Variants in NRP1 observed in about 807,000 individuals in gnomAD.
NRP1 encodes neuropilin 1, also known as neuropilin-1.
NRP1 carries 35 observed loss-of-function variants against 106.7 expected under a neutral mutation model. That is an observed-to-expected ratio of 0.33 (90% confidence interval 0.25 to 0.43). The LOEUF (loss-of-function observed/expected upper bound fraction) is 0.43. NRP1 is among the 20% of genes least tolerant of loss of function. NRP1 has a pLI of 1.00. For missense variants in NRP1, 1,024 were observed against 1,170.4 expected (o/e 0.87, Z 1.83); for synonymous variants, 437 against 417.9 (o/e 1.05, Z -0.56).
intron 2 of NRP1, among the ~76,000 whole-genome samples, chr10:33,286,667 A>C (rs1472945929): frequency 6.6e-6 from 1 of 152,176 alleles, no homozygotes. Flanking sequence ...TTCTGATGCC[A>C]CAGAACAAAC....
intron 2 of NRP1, among the ~76,000 whole-genome samples, chr10:33,276,288 T>A (rs932022568): frequency 6.6e-6 from 1 of 152,172 alleles, no homozygotes; most frequent in African/African-American, 2.4e-5. Context: ...AACAACACTA[T>A]CTTGGAAGTG....
intron 12 of NRP1, among the ~76,000 whole-genome samples, chr10:33,197,406 G>A (rs544334675): frequency 2.4e-4 from 37 of 152,298 alleles, no homozygotes; most frequent in Non-Finnish European, 4.3e-4. Flanking sequence ...ATGTTACTCC[G>A]TTCCTTCAGT....
intron 1 of NRP1, 78 bp downstream of exon 1, chr10:33,334,232 C>T: frequency 7.3e-7 from 1 of 1,360,974 alleles, no homozygotes; most frequent in Non-Finnish European, 1.0e-6. Flanking sequence ...CCCGGGAAGC[C>T]CCGCCTGAGC....
chr10:33,227,440 G>A (rs61843161), intron 6 of NRP1, among the ~76,000 whole-genome samples: 3,350 of 131,424 alleles, frequency 0.025, 41 homozygotes, highest in Non-Finnish European at 0.039. Flanking sequence ...TAAAGAGGAA[G>A]AGGGTAAAGA....
chr10:33,204,272 G>A (rs1837585236), intron 10 of NRP1, among the ~76,000 whole-genome samples: 1 of 152,112 alleles, frequency 6.6e-6, no homozygotes, highest in Admixed American at 6.5e-5. Flanking sequence ...ACCAAGCAGA[G>A]TTACGGCACA....
intron 2 of NRP1, 40 bp from the exon 3 acceptor site, chr10:33,270,896 A>T: frequency 6.6e-7 from 1 of 1,508,728 alleles, no homozygotes; most frequent in Non-Finnish European, 9.0e-7. Flanking sequence ...GGTTGGTGAG[A>T]AATGCCCTTT....
intron 2 of NRP1, among the ~76,000 whole-genome samples, chr10:33,295,901 A>G (rs1340956205): frequency 1.3e-5 from 2 of 152,244 alleles, no homozygotes; most frequent in Non-Finnish European, 2.9e-5. Flanking sequence ...TAACAAGCAA[A>G]GCCTAAAGTG....
In NRP1 at chr10:33,213,598, G is replaced by T; in HGVS notation, c.1402C>A (p.Arg468Ser). Residue 468 changes from arginine to serine, a missense_variant, in exon 9 of 17, where the codon CGC becomes AGC. This residue lies in a region of NRP1 where 562 missense variants were observed against 620.3 expected (regional missense o/e 0.91). Coordinates refer to ENST00000374867, the MANE Select transcript of NRP1 (RefSeq NM_003873.7). Reference protein sequence around the residue: ...MPENIRLVTSRSGWALPPAPH... With the variant: ...MPENIRLVTSSSGWALPPAPH... ...GCGGGTGGAAGTGCCCAGCCAGAGCGACTGGTTACCAGGCGGATGTTTTCA... is the reference window on the plus strand; with the variant it reads ...GCGGGTGGAAGTGCCCAGCCAGAGCTACTGGTTACCAGGCGGATGTTTTCA... The T allele has an allele frequency of 6.2e-7, 1 of 1,614,108 alleles. No individual in the cohort carries two copies.
In NRP1 at chr10:33,229,496, C is replaced by T. The variant is rs376665485; in HGVS notation, c.982-3207G>A. On this transcript the variant is annotated intron_variant, in intron 6 of 16. Coordinates refer to ENST00000374867, the MANE Select transcript of NRP1 (RefSeq NM_003873.7). Reference sequence around the variant, plus strand: ...TGAAGCAGAGCTATTTAAATAAACTCTTCCTGTCAAACTTACAGATGGCTC... The same window carrying T: ...TGAAGCAGAGCTATTTAAATAAACTTTTCCTGTCAAACTTACAGATGGCTC... Among the ~76,000 whole-genome samples, 19 of 152,224 alleles carry T rather than the reference C, an allele frequency of 1.2e-4. No individual in the cohort carries two copies. In the East Asian group the frequency reaches 1.9e-3, roughly 15 times the overall value.
chr10:33,228,159 T>C (rs1441990286), intron 6 of NRP1, among the ~76,000 whole-genome samples: 3 of 151,992 alleles, frequency 2.0e-5, no homozygotes, highest in Non-Finnish European at 4.4e-5. Context: ...AGTCCACAAA[T>C]ATATGGCAAA....
chr10:33,225,538 A>G (rs1032300759), intron 7 of NRP1, among the ~76,000 whole-genome samples: 4 of 152,210 alleles, frequency 2.6e-5, no homozygotes, highest in African/African-American at 9.6e-5. Flanking sequence ...GTTCCAAATG[A>G]GCTAGGGCAG....
chr10:33,333,625 T>C (rs1329244509), intron 1 of NRP1, among the ~76,000 whole-genome samples: 1 of 152,220 alleles, frequency 6.6e-6, no homozygotes, highest in African/African-American at 2.4e-5. Context: ...AAACACATTA[T>C]TTAGGTTACA....
chr10:33,296,637 G>A lies in NRP1; in HGVS notation c.249-25781C>T, dbSNP rs957298016. 4.6e-5 allele frequency among the ~76,000 whole-genome samples: 7 copies of A among 152,290 alleles called. 1 individual carries two copies. In the South Asian group the frequency reaches 1.5e-3, roughly 32 times the overall value. ...TAATTTGGCAGCTTTGTGTTCCAAG[G>A]CTTCACCCCTAGATTGGTTTAGGCA... On this transcript the variant is annotated intron_variant, in intron 2 of 16. Transcript: ENST00000374867.
intron 6 of NRP1, among the ~76,000 whole-genome samples, chr10:33,236,581 T>C (rs1172793702): frequency 6.6e-6 from 1 of 152,188 alleles, no homozygotes; most frequent in Non-Finnish European, 1.5e-5. Context: ...CTGATCTGGT[T>C]GACTGCAAGG....
chr10:33,227,515 C>G (rs1588776916), intron 6 of NRP1, among the ~76,000 whole-genome samples: 1 of 152,284 alleles, frequency 6.6e-6, no homozygotes, highest in East Asian at 1.9e-4. Context: ...CCTTGCAGCT[C>G]AGTTTGAGAG....
intron 6 of NRP1, among the ~76,000 whole-genome samples, chr10:33,249,131 G>C (rs149238511): frequency 8.6e-6 from 1 of 115,668 alleles, no homozygotes; most frequent in Non-Finnish European, 1.7e-5. Context: ...TTTAATCAGA[G>C]AAAAGTCACA....
At position 33,267,290 on chromosome 10, in the gene NRP1, A is replaced by G. The variant is rs141607577; in HGVS notation, c.430+3385T>C. On this transcript the variant is annotated intron_variant, in intron 3 of 16. Transcript: ENST00000374867. The stretch of plus-strand genomic sequence containing the variant: ...TTACAGCAGTTTGAGAACACAGGAG[A>G]TGAGAATACAACACAGGAGATGAGC... Among the ~76,000 whole-genome samples the G allele has an allele frequency of 7.0e-3, 1,061 of 152,260 alleles. 7 individuals are homozygous for G. Among genetic ancestry groups the G allele is most frequent in the Middle Eastern group, 0.017 (5 of 294 alleles).
chr10:33,203,570 C>T (rs1192477133), intron 10 of NRP1, among the ~76,000 whole-genome samples: 1 of 152,030 alleles, frequency 6.6e-6, no homozygotes, highest in African/African-American at 2.4e-5. Flanking sequence ...AACTGTGAGC[C>T]CTCTCTCCAG....
chr10:33,216,610 T>C (rs1838796334), intron 8 of NRP1, among the ~76,000 whole-genome samples: 1 of 151,758 alleles, frequency 6.6e-6, no homozygotes, highest in African/African-American at 2.4e-5. Context: ...GATGCTACCA[T>C]GATTGGCAAT....
Sources: gnomAD v4.1 joint callset for allele counts (sites outside exome capture counted in the v4.1 genomes callset) on GRCh38, gnomAD v4.1.1 for gene constraint, gnomAD v4.1.1 regional missense constraint, MANE v1.5 for transcripts, NCBI Gene and HGNC (gene_info 2026-07-23, HGNC 2026-07-21) for gene names.